The following SEMA5B variants were observed in gnomAD, a reference collection of about 807,000 sequenced individuals.
The protein encoded by SEMA5B is semaphorin 5B.
SEMA5B carries 66 observed loss-of-function variants against 135.0 expected under a neutral mutation model. That is an observed-to-expected ratio of 0.49 (90% CI 0.40 to 0.60). The LOEUF (loss-of-function observed/expected upper bound fraction) is 0.60. Ranked by LOEUF, SEMA5B falls within the 20% of genes least tolerant of loss-of-function variation. The pLI is 0.00. For missense variants in SEMA5B, 1,501 were observed against 1,566.3 expected, an observed-to-expected ratio of 0.96 and a Z score of 0.70; for synonymous variants, 690 against 639.5, an observed-to-expected ratio of 1.08 and a Z score of -1.19.
At chr3:122,964,266 C>G (rs79628005) in intron 1 of SEMA5B, among the ~76,000 whole-genome samples, 2,987 of 152,278 alleles carry the variant, frequency 0.02, 108 homozygotes, top group African/African-American at 0.069. Flanking sequence ...GCACCTGTAC[C>G]TCAGTGGATC....
chr3:123,011,773 G>A (rs1415649615), intron 1 of SEMA5B, among the ~76,000 whole-genome samples: 1 of 152,190 alleles, frequency 6.6e-6, no homozygotes, highest in Non-Finnish European at 1.5e-5. Context: ...AGAGGAGGAG[G>A]CCATGGCAAT....
At chr3:122,911,595 A>G in intron 20 of SEMA5B, 60 bp from the exon 21 acceptor site, 1 of 1,539,968 alleles carries the variant, frequency 6.5e-7, no homozygotes, top group Admixed American at 1.8e-5. Context: ...GGGGCCCTGC[A>G]GGGTAGGCGT....
rs1938720720 is a variant in SEMA5B at position 122,927,782 on chromosome 3, C to A, written c.850+8G>T. On this transcript the variant is annotated splice_region_variant and intron_variant, in intron 8 of 22. Coordinates refer to ENST00000357599, the MANE Select transcript of SEMA5B (RefSeq NM_001031702.4). ...GAGTCCCCACCCCTGGCACTGGGGC[C>A]TCCTTACCATTAAGCCACTTGGAGT... 2.8e-6 allele frequency: 4 copies of A among 1,406,580 alleles called. No individual in the cohort carries two copies. The South Asian group carries it at 5.3e-5, about 19-fold the overall frequency. 87.1% of individuals were successfully genotyped at this position (1,406,580 alleles called of 1,614,324 possible). A position where few individuals can be genotyped will look rare whatever the true frequency, so the allele number is the denominator to read the frequency against.
chr3:122,913,249 G>C lies in SEMA5B; in HGVS notation c.2456C>G (p.Thr819Ser), dbSNP rs762083909. The C allele has an allele frequency of 3.8e-6, 6 of 1,586,784 alleles. No homozygotes were observed. Among genetic ancestry groups the C allele is most frequent in the Non-Finnish European group, 5.1e-6 (6 of 1,175,148 alleles). Residue 819 changes from threonine to serine, a missense_variant, in exon 17 of 23, where the codon ACC (threonine) becomes AGC (serine). Thr to Ser is a moderately conservative substitution (Grantham distance 58). Transcript: ENST00000357599. ...GTCCGCGGGACAGGTCCTCGTCTCGGTCCTTCTCCTGCCGAACTGCAGGCC... is the reference window on the plus strand; with the variant it reads ...GTCCGCGGGACAGGTCCTCGTCTCGCTCCTTCTCCTGCCGAACTGCAGGCC... ...PHGLQFGRRR[T>S]ETRTCPADGS...
chr3:122,925,685 A>AG (rs769171637), intron 9 of SEMA5B, among the ~76,000 whole-genome samples: 9 of 152,136 alleles, frequency 5.9e-5, no homozygotes, highest in Non-Finnish European at 1.3e-4. Context: ...AAAAGAAAAA[A>AG]GAAAAAAAAA....
At chr3:122,917,109 T>C (rs1310290056) in intron 12 of SEMA5B, among the ~76,000 whole-genome samples, 3 of 152,194 alleles carry the variant, frequency 2.0e-5, no homozygotes, top group African/African-American at 7.2e-5. Flanking sequence ...GAGTATCCAA[T>C]CCTGGTGCCA....
intron 2 of SEMA5B, among the ~76,000 whole-genome samples, chr3:122,955,962 C>G (rs1252886634): frequency 6.6e-6 from 1 of 152,192 alleles, no homozygotes; most frequent in African/African-American, 2.4e-5. Context: ...AAACCATGGT[C>G]CTTGCCTTCA....
At chr3:123,027,221 G>C (rs1008352030) in intron 1 of SEMA5B, 2 of 152,380 alleles carry the variant, frequency 1.3e-5, no homozygotes, top group African/African-American at 4.8e-5. Context: ...AGTGCAACCC[G>C]GACCCAAGCT....
chr3:122,978,307 G>A (rs767079398), intron 1 of SEMA5B, among the ~76,000 whole-genome samples: 27 of 152,290 alleles, frequency 1.8e-4, no homozygotes, highest in African/African-American at 5.1e-4. Flanking sequence ...CTGTGCAGTC[G>A]GTTGCCCCTG....
At chr3:123,023,310 T>C (rs1942730883) in intron 1 of SEMA5B, among the ~76,000 whole-genome samples, 1 of 147,570 alleles carries the variant, frequency 6.8e-6, no homozygotes, top group African/African-American at 2.6e-5. Flanking sequence ...TCATTAGAAG[T>C]AACTATTTCC....
intron 5 of SEMA5B, among the ~76,000 whole-genome samples, chr3:122,929,738 G>A (rs994247821): frequency 1.1e-3 from 167 of 152,252 alleles, no homozygotes; most frequent in African/African-American, 4.0e-3. Context: ...TTTCCTCCCA[G>A]CTTCCCTGGT....
intron 12 of SEMA5B, among the ~76,000 whole-genome samples, 182 bp downstream of exon 12, chr3:122,921,733 C>T (rs1938354585): frequency 6.6e-6 from 1 of 152,220 alleles, no homozygotes; most frequent in African/African-American, 2.4e-5. Flanking sequence ...TTAACCCTCA[C>T]AAAAACCCTG....
intron 1 of SEMA5B, among the ~76,000 whole-genome samples, chr3:122,962,893 G>A (rs529266914): frequency 2.6e-5 from 4 of 152,026 alleles, no homozygotes; most frequent in Admixed American, 6.5e-5. Flanking sequence ...CATTTGACAC[G>A]TGTATAAACT....
rs979938645 is a variant in SEMA5B, at chr3:123,027,514, G to C, written c.-89C>G. The C allele has an allele frequency of 2.0e-5, 3 of 152,208 alleles. No individual in the cohort carries two copies. The highest frequency in any genetic ancestry group is 4.4e-5 in the Non-Finnish European group (3 of 68,072). The allele number at this position is 152,208 out of a possible 1,614,324, so 9.4% of individuals were successfully genotyped here. A position where few individuals can be genotyped will look rare whatever the true frequency, so the allele number is the denominator to read the frequency against. On this transcript the variant is annotated 5_prime_UTR_variant, in exon 1 of 23. Coordinates refer to ENST00000357599, the MANE Select transcript of SEMA5B (RefSeq NM_001031702.4). ...GGTTCCCCGCGGCTCCCGACTCCCG[G>C]GCGGCGCGGAGCGGCGGGAGCTAAC... is the stretch of plus-strand genomic sequence containing the variant.
chr3:122,969,377 A>G lies in SEMA5B; in HGVS notation c.-38-8076T>C, dbSNP rs563805150. Among the ~76,000 whole-genome samples, 210 of 152,262 alleles carry G rather than the reference A, an allele frequency of 1.4e-3. 1 individual carries two copies. Among genetic ancestry groups the G allele is most frequent in the Non-Finnish European group, 2.3e-3 (158 of 67,996 alleles). ...CTGGCTGTGGGGGCACAGAGAAGGG[A>G]TACCACCCAGGTCTCCTCCTGATTC... On this transcript the variant is annotated intron_variant, in intron 1 of 22. Coordinates refer to ENST00000357599, the MANE Select transcript of SEMA5B (RefSeq NM_001031702.4).
At chr3:122,938,256 G>A (rs1560327995) in intron 5 of SEMA5B, among the ~76,000 whole-genome samples, 1 of 152,034 alleles carries the variant, frequency 6.6e-6, no homozygotes. Context: ...TATTGGATGG[G>A]TGGATGGATG....
intron 1 of SEMA5B, among the ~76,000 whole-genome samples, chr3:122,982,588 T>C (rs113726841): frequency 4.7e-4 from 72 of 152,294 alleles, no homozygotes; most frequent in African/African-American, 1.6e-3. Context: ...AACTTTTTAT[T>C]TGGTTTTTTC....
At position 122,910,975 on chromosome 3, in the gene SEMA5B, T is replaced by A; in HGVS notation, c.3162A>T (p.Ala1054=). Residue 1054 remains alanine, a synonymous_variant, in exon 22 of 23, where the codon GCA becomes GCT. Transcript: ENST00000357599. The part of the protein sequence containing the change: ...CFLGSGLLTL[A]VYLSCQHCQR... ...GGCAGTGCTGGCAAGACAGGTACAC[T>A]GCTAGGGTCAGGAGCCCAGAGCCCA... 6.2e-7 allele frequency: 1 copy of A among 1,613,942 alleles called. No homozygotes were observed.
chr3:122,957,481 A>T (rs907270700), intron 2 of SEMA5B, among the ~76,000 whole-genome samples: 4 of 152,256 alleles, frequency 2.6e-5, no homozygotes, highest in African/African-American at 9.6e-5. Flanking sequence ...TGCGGCCGAC[A>T]AGGAGGTCCT....
Sources: allele counts gnomAD v4.1 joint callset (sites outside exome capture counted in the v4.1 genomes callset), GRCh38; gene constraint gnomAD v4.1.1; transcripts MANE v1.5; gene names NCBI Gene and HGNC (gene_info 2026-07-23, HGNC 2026-07-21).